SEPTIN9: variants seen among roughly 807,000 people sequenced by gnomAD.
SEPTIN9 encodes the protein septin 9, also known as septin-9.
Under a neutral mutation model 56.6 loss-of-function variants are expected in SEPTIN9, and 13 were observed. The observed-to-expected ratio is 0.23, with a 90% CI of 0.15 to 0.37. SEPTIN9 has a LOEUF of 0.37. Among genes scored for constraint, SEPTIN9 ranks in the 10% least tolerant of loss-of-function variants. SEPTIN9 has a pLI of 1.00. For missense variants in SEPTIN9, 650 were observed against 823.1 expected (o/e 0.79, Z 2.57); for synonymous variants, 332 against 334.1 (o/e 0.99, Z 0.07).
intron 3 of SEPTIN9, among the ~76,000 whole-genome samples, chr17:77,420,277 T>G (rs1055651386): frequency 6.6e-6 from 1 of 152,164 alleles, no homozygotes; most frequent in Admixed American, 6.5e-5. Flanking sequence ...CCCGGCTCAG[T>G]GATTGGAAGC....
Position 77,445,090 on chromosome 17 carries a change from T to C in SEPTIN9, c.722-37054T>C, listed in dbSNP as rs996723720. On this transcript the variant is annotated intron_variant, in intron 3 of 11. Coordinates refer to ENST00000427177, the MANE Select transcript of SEPTIN9 (RefSeq NM_001113491.2). This position sits in a 1 kb window ranked among gnomAD's most constrained non-coding sequence, Gnocchi z 4.7. ...AGAGGCCCCTCTGTCCCACCATGCC[T>C]GCCTGGGGACGGCCTTCACTCGGGC... 6 of 447,768 alleles carry C rather than the reference T, an allele frequency of 1.3e-5. No individual in the cohort carries two copies. The highest frequency in any genetic ancestry group is 1.2e-4 in the African/African-American group (6 of 49,276). 27.7% of individuals were successfully genotyped at this position (447,768 alleles called of 1,614,324 possible). A position where few individuals can be genotyped will look rare whatever the true frequency, so the allele number is the denominator to read the frequency against.
chr17:77,461,855 T>G (rs983925853), intron 3 of SEPTIN9, among the ~76,000 whole-genome samples: 1 of 152,184 alleles, frequency 6.6e-6, no homozygotes, highest in African/African-American at 2.4e-5. Context: ...GGTGTCCACC[T>G]GAAGGCCCAA....
At position 77,384,842 on chromosome 17, in the gene SEPTIN9, A is replaced by AACACACAC. The variant is rs146495461; in HGVS notation, c.77-17178_77-17171dup. ...CATCATCACTGTATGAACCTGTTTA[A>AACACACAC]ACACACACACACACACACACACACA... is the stretch of plus-strand genomic sequence containing the variant. On this transcript the variant is annotated intron_variant, in intron 2 of 11. Coordinates refer to ENST00000427177, the MANE Select transcript of SEPTIN9 (RefSeq NM_001113491.2). Among the ~76,000 whole-genome samples, 648 of 142,242 alleles carry AACACACAC rather than the reference A, an allele frequency of 4.6e-3. 6 individuals carry two copies. Among genetic ancestry groups the AACACACAC allele is most frequent in the African/African-American group, 7.9e-3 (298 of 37,788 alleles). The allele number at this position is 142,242 out of a possible 152,430, so 93.3% of individuals were successfully genotyped here. A position where few individuals can be genotyped will look rare whatever the true frequency, so the allele number is the denominator to read the frequency against.
chr17:77,462,649 GT>G (rs927368118), intron 3 of SEPTIN9, among the ~76,000 whole-genome samples: 2 of 151,704 alleles, frequency 1.3e-5, no homozygotes, highest in African/African-American at 4.8e-5. Context: ...GTTTTGAGCA[GT>G]TTTTTTGTTT....
At chr17:77,488,671 C>A in intron 6 of SEPTIN9, 56 bp from the exon 7 acceptor site, 1 of 1,609,512 alleles carries the variant, frequency 6.2e-7, no homozygotes, top group African/African-American at 1.3e-5. Context: ...GAATGCACGA[C>A]CTGCTTGGGG....
In SEPTIN9 at chr17:77,487,972, G is replaced by GA. The variant is rs1460925061; in HGVS notation, c.1043-268_1043-267insA. Among the ~76,000 whole-genome samples, 1 of 152,206 alleles carries GA rather than the reference G, an allele frequency of 6.6e-6. No homozygotes were observed. Among genetic ancestry groups the GA allele is most frequent in the Non-Finnish European group, 1.5e-5 (1 of 68,032 alleles). ...GCATGTTGGGGCTCTGGCTGTGATG[G>GA]GTCAGTGTCCCGGACCCCTGTGGGC... On this transcript the variant is annotated intron_variant, in intron 5 of 11. Transcript: ENST00000427177. The surrounding 1 kb of genome is among the most constrained non-coding windows in gnomAD (Gnocchi z 4.3).
At chr17:77,311,231 A>G (rs1202854306) in intron 2 of SEPTIN9, among the ~76,000 whole-genome samples, 1 of 86,610 alleles carries the variant, frequency 1.2e-5, no homozygotes, top group East Asian at 3.4e-4. Flanking sequence ...CCCCCCCCCC[A>G]CCCCACCCCA....
chr17:77,312,084 A>G (rs571230076), intron 2 of SEPTIN9, among the ~76,000 whole-genome samples: 12 of 152,224 alleles, frequency 7.9e-5, no homozygotes, highest in African/African-American at 2.9e-4. Flanking sequence ...ACCCTTGGAC[A>G]GGCTGCCCCG....
chr17:77,294,672 G>A (rs2031724927), intron 1 of SEPTIN9: 1 of 153,116 alleles, frequency 6.5e-6, no homozygotes, highest in African/African-American at 2.4e-5. Flanking sequence ...ATTTGTGCAT[G>A]TATTTCTGAC....
intron 3 of SEPTIN9, among the ~76,000 whole-genome samples, chr17:77,432,588 C>G (rs2037185578): frequency 6.6e-6 from 1 of 152,214 alleles, no homozygotes; most frequent in Non-Finnish European, 1.5e-5. Context: ...GCCAGCTTAA[C>G]CCTTCCGTGC....
intron 2 of SEPTIN9, among the ~76,000 whole-genome samples, chr17:77,316,647 C>T (rs1209728525): frequency 1.3e-5 from 2 of 152,102 alleles, no homozygotes; most frequent in South Asian, 4.1e-4. Flanking sequence ...TTCCCTGCCC[C>T]ACAGCAGGAG....
intron 1 of SEPTIN9, among the ~76,000 whole-genome samples, chr17:77,306,426 T>C (rs1178002189): frequency 6.6e-6 from 1 of 152,226 alleles, no homozygotes; most frequent in Non-Finnish European, 1.5e-5. Context: ...TTGCTTGGCT[T>C]AGCACCTCAG....
At chr17:77,461,442 T>G (rs551230174) in intron 3 of SEPTIN9, among the ~76,000 whole-genome samples, 10 of 152,102 alleles carry the variant, frequency 6.6e-5, no homozygotes, top group African/African-American at 2.4e-4. Flanking sequence ...GGCTACAGAA[T>G]TGAAGGAGGG....
intron 2 of SEPTIN9, among the ~76,000 whole-genome samples, chr17:77,334,370 C>T (rs1006042366): frequency 1.4e-5 from 2 of 147,460 alleles, no homozygotes; most frequent in South Asian, 4.2e-4. Flanking sequence ...TGCAGTGAGC[C>T]GAGATTGCAC....
rs898408592 is a variant in SEPTIN9, at chr17:77,369,943, C to T, written c.77-32116C>T. 2.6e-5 allele frequency among the ~76,000 whole-genome samples: 4 copies of T among 152,372 alleles called. No individual in the cohort carries two copies. The highest frequency in any genetic ancestry group is 2.1e-4 in the South Asian group (1 of 4,832). ...CCTGTGGGGTTTCTCTCCAGACCTG[C>T]TCCTTCCCATTTCCAGAAAGGCGTG... On this transcript the variant is annotated intron_variant, in intron 2 of 11. Coordinates refer to ENST00000427177, the MANE Select transcript of SEPTIN9 (RefSeq NM_001113491.2). The surrounding 1 kb of genome is among the most constrained non-coding windows in gnomAD (Gnocchi z 4.9).
At chr17:77,410,036 G>C (rs941859275) in intron 3 of SEPTIN9, among the ~76,000 whole-genome samples, 13 of 152,178 alleles carry the variant, frequency 8.5e-5, no homozygotes, top group Middle Eastern at 3.2e-3. Context: ...GTTTTCTGTG[G>C]GTGTTATAAG....
Position 77,401,772 on chromosome 17 carries a change from T to C in SEPTIN9, c.77-287T>C, listed in dbSNP as rs8064457. 3.8e-3 allele frequency among the ~76,000 whole-genome samples: 578 copies of C among 151,964 alleles called. 1 individual carries two copies. The highest frequency in any genetic ancestry group is 0.013 in the African/African-American group (546 of 41,466). On this transcript the variant is annotated intron_variant, in intron 2 of 11. Coordinates refer to ENST00000427177, the MANE Select transcript of SEPTIN9 (RefSeq NM_001113491.2). ...CTTCTCTGGAACTAGAACGTTCCTA[T>C]GTAGACGTAGCTGGAGGGGGAGGCT... is the stretch of plus-strand genomic sequence containing the variant.
intron 1 of SEPTIN9, chr17:77,287,858 G>A (rs578147177): frequency 9.8e-7 from 1 of 1,022,614 alleles, no homozygotes; most frequent in Non-Finnish European, 1.2e-6. Context: ...CAGGAGTGGC[G>A]CAGGGAATGT....
At chr17:77,471,032 C>T (rs572923132) in intron 3 of SEPTIN9, 1 of 152,412 alleles carries the variant, frequency 6.6e-6, no homozygotes, top group South Asian at 2.1e-4. Flanking sequence ...AGGAGGACTC[C>T]TGGGGCAGGG....
Sources: allele counts gnomAD v4.1 joint callset (sites outside exome capture counted in the v4.1 genomes callset), GRCh38; gene constraint gnomAD v4.1.1; non-coding constraint Gnocchi (gnomAD v3.1); transcripts MANE v1.5; gene names NCBI Gene and HGNC (gene_info 2026-07-23, HGNC 2026-07-21).